The following CADM2 variants were observed in gnomAD, a reference collection of about 807,000 sequenced individuals.
CADM2 encodes the protein immunoglobulin superfamily member 4D.
CADM2 carries 12 observed loss-of-function variants against 49.8 expected under a neutral mutation model. The observed-to-expected ratio is 0.24, with a 90% CI of 0.15 to 0.39. The LOEUF (loss-of-function observed/expected upper bound fraction) is 0.39, where lower values mean the gene tolerates loss of function less well. CADM2 is among the 10% of genes least tolerant of loss of function. CADM2 has a pLI of 1.00. For missense variants in CADM2, 378 were observed against 492.3 expected (o/e 0.77, Z 2.20); for synonymous variants, 214 against 175.4 (o/e 1.22, Z -1.74).
chr3:85,878,841 T>C (rs1712314343), intron 3 of CADM2, among the ~76,000 whole-genome samples: 1 of 152,046 alleles, frequency 6.6e-6, no homozygotes, highest in Non-Finnish European at 1.5e-5. Context: ...CTGGATTCAC[T>C]GAGAATTGTA....
At chr3:85,185,837 C>A (rs2041048139) in intron 1 of CADM2, among the ~76,000 whole-genome samples, 1 of 152,092 alleles carries the variant, frequency 6.6e-6, no homozygotes, top group Admixed American at 6.6e-5. Context: ...TAGCAGCCCA[C>A]AAGGGGAGAA....
At chr3:85,850,500 A>AT (rs947652541) in intron 3 of CADM2, among the ~76,000 whole-genome samples, 17 of 148,796 alleles carry the variant, frequency 1.1e-4, no homozygotes, top group African/African-American at 2.2e-4. Flanking sequence ...AATTTTTTGT[A>AT]TTTTTTTTTA....
At chr3:85,206,365 T>A (rs977439521) in intron 1 of CADM2, among the ~76,000 whole-genome samples, 40 of 150,496 alleles carry the variant, frequency 2.7e-4, no homozygotes, top group South Asian at 6.3e-4. Context: ...TGGAGTGCAG[T>A]GGCGCAATCT....
chr3:85,823,813 C>T (rs920301171), intron 3 of CADM2, among the ~76,000 whole-genome samples: 4 of 151,958 alleles, frequency 2.6e-5, no homozygotes, highest in South Asian at 2.1e-4. Context: ...TATAGCTATG[C>T]GTCAACATTT....
chr3:85,879,874 A>G (rs1360240245), intron 3 of CADM2, among the ~76,000 whole-genome samples: 3 of 152,226 alleles, frequency 2.0e-5, no homozygotes, highest in Admixed American at 2.0e-4. Flanking sequence ...GTGTGTTTAT[A>G]TGTTTAGTTC....
intron 1 of CADM2, among the ~76,000 whole-genome samples, chr3:85,155,287 A>G (rs1443606188): frequency 6.7e-6 from 1 of 148,342 alleles, no homozygotes; most frequent in East Asian, 2.0e-4. Flanking sequence ...AGGGGTTGCA[A>G]TCCTAGTCTC....
chr3:85,001,227 T>G (rs1261426298), intron 1 of CADM2, among the ~76,000 whole-genome samples: 1 of 152,066 alleles, frequency 6.6e-6, no homozygotes, highest in Non-Finnish European at 1.5e-5. Flanking sequence ...AATTATTCAC[T>G]TTCTCTAGAG....
intron 1 of CADM2, among the ~76,000 whole-genome samples, chr3:85,613,525 T>A (rs945581870): frequency 2.0e-5 from 3 of 151,598 alleles, no homozygotes; most frequent in African/African-American, 4.8e-5. Flanking sequence ...TAAAGAGAGG[T>A]CTTTGAGTGA....
At chr3:85,349,827 G>A (rs2031154809) in intron 1 of CADM2, among the ~76,000 whole-genome samples, 1 of 152,174 alleles carries the variant, frequency 6.6e-6, no homozygotes. Context: ...TTTGATTTAA[G>A]GAGGGTCTTT....
chr3:85,506,239 C>T (rs575272576), intron 1 of CADM2, among the ~76,000 whole-genome samples: 1 of 152,256 alleles, frequency 6.6e-6, no homozygotes, highest in African/African-American at 2.4e-5. Flanking sequence ...TTCTTTTTCA[C>T]TTTGTGTTGT....
intron 8 of CADM2, among the ~76,000 whole-genome samples, chr3:86,029,432 T>G (rs115435535): frequency 8.6e-5 from 13 of 151,900 alleles, no homozygotes; most frequent in African/African-American, 3.1e-4. Flanking sequence ...TCGTTATTTG[T>G]GGGGAACAAA....
chr3:85,950,575 G>A (rs1037024989), intron 7 of CADM2, among the ~76,000 whole-genome samples: 1 of 150,982 alleles, frequency 6.6e-6, no homozygotes, highest in African/African-American at 2.4e-5. Flanking sequence ...CTCTAAAAAT[G>A]CCATTATTTT....
At chr3:85,292,889 C>T (rs941329688) in intron 1 of CADM2, among the ~76,000 whole-genome samples, 2 of 151,890 alleles carry the variant, frequency 1.3e-5, no homozygotes, top group East Asian at 1.9e-4. Flanking sequence ...ACTAGAAAAG[C>T]AAGAGCAAAC....
In CADM2 at chr3:85,855,611, AT is replaced by A. The variant is rs2075281681; in HGVS notation, c.239-27679del. ...ATATATATATATAAAACATATATATATATATAAAACATATATATATATATAT... is the reference window on the plus strand; with the variant it reads ...ATATATATATATAAAACATATATATAATATAAAACATATATATATATATAT... On this transcript the variant is annotated intron_variant, in intron 3 of 9. Transcript: ENST00000383699. Among the ~76,000 whole-genome samples the A allele has an allele frequency of 3.9e-5, 2 of 50,642 alleles. 1 individual carries two copies. The allele number at this position is 50,642 out of a possible 152,430, so 33.2% of individuals were successfully genotyped here. A position where few individuals can be genotyped will look rare whatever the true frequency, so the allele number is the denominator to read the frequency against.
At chr3:85,596,126 T>C (rs2063233003) in intron 1 of CADM2, among the ~76,000 whole-genome samples, 1 of 151,878 alleles carries the variant, frequency 6.6e-6, no homozygotes, top group Non-Finnish European at 1.5e-5. Context: ...TATTATGCAT[T>C]CTTGGCCCAT....
At chr3:85,414,203 G>A (rs1330490314) in intron 1 of CADM2, among the ~76,000 whole-genome samples, 1 of 152,122 alleles carries the variant, frequency 6.6e-6, no homozygotes, top group East Asian at 1.9e-4. Flanking sequence ...TGTGATCATA[G>A]CTGATCAAAC....
intron 1 of CADM2, among the ~76,000 whole-genome samples, chr3:85,606,847 G>T (rs2063552688): frequency 1.3e-5 from 2 of 151,932 alleles, no homozygotes; most frequent in Admixed American, 1.3e-4. Flanking sequence ...GAGCTACAAA[G>T]ATTGGATCTG....
chr3:85,191,156 T>G (rs2041197750), intron 1 of CADM2, among the ~76,000 whole-genome samples: 1 of 152,010 alleles, frequency 6.6e-6, no homozygotes, highest in Admixed American at 6.6e-5. Flanking sequence ...TTAATAGCAA[T>G]ATAAAGTTAC....
chr3:84,991,576 T>C (rs2032891122), intron 1 of CADM2, among the ~76,000 whole-genome samples: 2 of 152,302 alleles, frequency 1.3e-5, no homozygotes, highest in East Asian at 1.9e-4. Flanking sequence ...CAAATGCTGT[T>C]GGAATGTAAA....
Sources: allele counts gnomAD v4.1 joint callset (sites outside exome capture counted in the v4.1 genomes callset), GRCh38; gene constraint gnomAD v4.1.1; transcripts MANE v1.5; gene names NCBI Gene and HGNC (gene_info 2026-07-23, HGNC 2026-07-21).